The following CLMP variants were observed in gnomAD, a reference collection of about 807,000 sequenced individuals.
CLMP encodes the protein CXADR like cell adhesion molecule, also known as CXADR-like membrane protein.
In CLMP, 27 loss-of-function variants were observed where a neutral mutation model predicts 45.2. The ratio of observed to expected loss-of-function variants is 0.60; its 90% CI spans 0.44 to 0.82. The LOEUF is 0.82. Ranked by LOEUF, CLMP falls within the 40% of genes least tolerant of loss-of-function variation. The pLI is 0.00. For missense variants in CLMP, 403 were observed against 448.4 expected (o/e 0.90, Z 0.91); for synonymous variants, 167 against 171.4 (o/e 0.97, Z 0.20).
intron 1 of CLMP, among the ~76,000 whole-genome samples, chr11:123,119,037 CT>C: frequency 4.0e-5 from 2 of 49,416 alleles, no homozygotes; most frequent in African/African-American, 2.3e-4. Flanking sequence ...CTCTCTCTCT[CT>C]CTCTCTCCCT....
intron 1 of CLMP, among the ~76,000 whole-genome samples, chr11:123,167,956 A>AAGAC (rs112277747): frequency 0.049 from 7,403 of 151,706 alleles, 200 homozygotes; most frequent in East Asian, 0.1. Context: ...CCAGGAAGGA[A>AAGAC]AGACAGACAG....
chr11:123,102,532 G>A (rs1860464471), intron 1 of CLMP, among the ~76,000 whole-genome samples: 1 of 150,402 alleles, frequency 6.6e-6, no homozygotes, highest in East Asian at 2.0e-4. Flanking sequence ...GCCCACCTCG[G>A]CCTCCCAAAG....
chr11:123,194,103 T>C (rs1861945424), intron 1 of CLMP, among the ~76,000 whole-genome samples: 1 of 151,932 alleles, frequency 6.6e-6, no homozygotes, highest in African/African-American at 2.4e-5. Flanking sequence ...CCTGATGTCC[T>C]CTCCTGCAAA....
intron 1 of CLMP, among the ~76,000 whole-genome samples, chr11:123,115,244 TGCTGTGTTGCCCAG>T (rs570152860): frequency 2.0e-5 from 3 of 151,550 alleles, no homozygotes; most frequent in Non-Finnish European, 4.4e-5. Flanking sequence ...GACAAGGTCT[TGCTGTGTTGCCCAG>T]GCTGGTCTCC....
At chr11:123,185,148 G>T (rs572455513) in intron 1 of CLMP, among the ~76,000 whole-genome samples, 2 of 152,188 alleles carry the variant, frequency 1.3e-5, no homozygotes, top group African/African-American at 4.8e-5. Flanking sequence ...CAAGAACAGG[G>T]TGGGGGACCA....
At chr11:123,184,969 G>T (rs1188929551) in intron 1 of CLMP, among the ~76,000 whole-genome samples, 1 of 152,184 alleles carries the variant, frequency 6.6e-6, no homozygotes, top group Non-Finnish European at 1.5e-5. Context: ...CTATTCTAAA[G>T]GTGTGGACAA....
Position 123,175,268 on chromosome 11 carries a change from G to A in CLMP, c.28+19645C>T, listed in dbSNP as rs148393316. ...GAGGCCTCAGGAAACTAATAATCAC[G>A]GTGGAAGGGGAAGCAGACACCTTCA... On this transcript the variant is annotated intron_variant, in intron 1 of 6. Coordinates refer to ENST00000448775, the MANE Select transcript of CLMP (RefSeq NM_024769.5). Among the ~76,000 whole-genome samples, 931 of 150,312 alleles carry A rather than the reference G, an allele frequency of 6.2e-3. 12 individuals carry two copies. Among genetic ancestry groups the A allele is most frequent in the African/African-American group, 0.022 (887 of 39,664 alleles).
At chr11:123,145,733 G>A (rs1407046873) in intron 1 of CLMP, among the ~76,000 whole-genome samples, 1 of 152,168 alleles carries the variant, frequency 6.6e-6, no homozygotes, top group Non-Finnish European at 1.5e-5. Context: ...CAAACTGCTG[G>A]GATTATAGGC....
chr11:123,113,600 G>T (rs750311874), intron 1 of CLMP, among the ~76,000 whole-genome samples: 2 of 152,210 alleles, frequency 1.3e-5, no homozygotes, highest in Non-Finnish European at 2.9e-5. Flanking sequence ...GCGTTTGGCA[G>T]ATCGGAACAT....
chr11:123,158,553 A>C (rs1332119680), intron 1 of CLMP, among the ~76,000 whole-genome samples: 1 of 152,148 alleles, frequency 6.6e-6, no homozygotes, highest in Non-Finnish European at 1.5e-5. Flanking sequence ...TTAAAAGGGC[A>C]CTGCTCGTTG....
intron 6 of CLMP, among the ~76,000 whole-genome samples, chr11:123,074,209 C>T (rs1255464481): frequency 1.4e-5 from 2 of 138,166 alleles, no homozygotes; most frequent in East Asian, 2.3e-4. Context: ...TGCTCTTTCT[C>T]TGTCACCCAG....
intron 1 of CLMP, among the ~76,000 whole-genome samples, chr11:123,156,181 A>G (rs1861412027): frequency 6.6e-6 from 1 of 152,198 alleles, no homozygotes; most frequent in African/African-American, 2.4e-5. Context: ...CACTGAGGAA[A>G]GGCCGTGTGA....
At chr11:123,105,823 G>T (rs1390576356) in intron 1 of CLMP, among the ~76,000 whole-genome samples, 29 of 136,962 alleles carry the variant, frequency 2.1e-4, no homozygotes, top group Middle Eastern at 4.0e-3. Flanking sequence ...TTTGTTTTTT[G>T]TTTTTTTTTT....
chr11:123,168,508 C>G (rs1467843706), intron 1 of CLMP, among the ~76,000 whole-genome samples: 2 of 152,144 alleles, frequency 1.3e-5, no homozygotes, highest in African/African-American at 2.4e-5. Context: ...AATGAGGAAG[C>G]CTTGGGGCTG....
intron 1 of CLMP, among the ~76,000 whole-genome samples, chr11:123,180,985 G>C (rs530553592): frequency 6.6e-6 from 1 of 152,212 alleles, no homozygotes; most frequent in Non-Finnish European, 1.5e-5. Flanking sequence ...GGGGCCCGGG[G>C]TGTGTGCATG....
intron 1 of CLMP, among the ~76,000 whole-genome samples, chr11:123,138,900 C>T (rs540019523): frequency 2.4e-4 from 37 of 152,198 alleles, no homozygotes; most frequent in African/African-American, 8.9e-4. Flanking sequence ...GGTGATCCAC[C>T]CACCATGGCC....
chr11:123,128,740 T>G (rs1028923274), intron 1 of CLMP, among the ~76,000 whole-genome samples: 2 of 152,172 alleles, frequency 1.3e-5, no homozygotes, highest in African/African-American at 4.8e-5. Flanking sequence ...AACAACTAAT[T>G]TGACCTTTTT....
intron 1 of CLMP, among the ~76,000 whole-genome samples, chr11:123,150,532 G>GGCAGGC (rs766986302): frequency 1.8e-4 from 20 of 111,166 alleles, no homozygotes; most frequent in African/African-American, 3.4e-4. Flanking sequence ...AGGAAGGAAA[G>GGCAGGC]AAACAAGCAA....
At chr11:123,108,891 C>A (rs1177804817) in intron 1 of CLMP, among the ~76,000 whole-genome samples, 1 of 151,922 alleles carries the variant, frequency 6.6e-6, no homozygotes, top group Non-Finnish European at 1.5e-5. Flanking sequence ...GAAACCCTGT[C>A]TCTACTAAAA....
Sources: gnomAD v4.1 joint callset for allele counts (sites outside exome capture counted in the v4.1 genomes callset) on GRCh38, gnomAD v4.1.1 for gene constraint, MANE v1.5 for transcripts, NCBI Gene and HGNC (gene_info 2026-07-23, HGNC 2026-07-21) for gene names.